The following MUC7 variants were observed in gnomAD, a reference collection of about 807,000 sequenced individuals.
MUC7 encodes mucin 7, secreted.
MUC7 carries 2 observed loss-of-function variants against 2.5 expected under a neutral mutation model. That is an observed-to-expected ratio of 0.81 (90% CI 0.33 to 2.55). MUC7 has a LOEUF of 2.55. MUC7 is among the 30% of genes most tolerant of loss of function. The pLI is 0.11. For missense variants in MUC7, 408 were observed against 455.6 expected, an observed-to-expected ratio of 0.90 and a Z score of 0.95; for synonymous variants, 133 against 173.4, an observed-to-expected ratio of 0.77 and a Z score of 1.83.
rs1735210271 is a variant in MUC7, at chr4:70,481,925, A to C, written c.*47A>C. The C allele has an allele frequency of 2.5e-6, 4 of 1,579,034 alleles. No individual in the cohort carries two copies. The highest frequency in any genetic ancestry group is 3.4e-6 in the Non-Finnish European group (4 of 1,163,212). On this transcript the variant is annotated 3_prime_UTR_variant, in exon 3 of 3. Transcript: ENST00000304887. Reference sequence around the variant, plus strand: ...TTCTGTCATTTACAAGATGTGATTCATGAGTGCAGAACTACCACCTTTCTT... The same window carrying C: ...TTCTGTCATTTACAAGATGTGATTCCTGAGTGCAGAACTACCACCTTTCTT...
At chr4:70,436,300 A>G (rs1733830449) in intron 1 of MUC7, among the ~76,000 whole-genome samples, 1 of 152,162 alleles carries the variant, frequency 6.6e-6, no homozygotes, top group South Asian at 2.1e-4. Flanking sequence ...AGTGTTTTCT[A>G]ATTTGGTTCC....
At chr4:70,463,633 T>C (rs773173478) in intron 1 of MUC7, among the ~76,000 whole-genome samples, 5 of 152,206 alleles carry the variant, frequency 3.3e-5, no homozygotes, top group South Asian at 4.1e-4. Context: ...TTAAAATATG[T>C]CATAATGGTG....
At chr4:70,443,130 C>A (rs1397760318) in intron 1 of MUC7, among the ~76,000 whole-genome samples, 1 of 152,068 alleles carries the variant, frequency 6.6e-6, no homozygotes, top group African/African-American at 2.4e-5. Context: ...ATCTAAAACA[C>A]CCAGATGTTT....
chr4:70,451,358 T>C (rs1400099670), intron 1 of MUC7, among the ~76,000 whole-genome samples: 1 of 152,234 alleles, frequency 6.6e-6, no homozygotes, highest in Non-Finnish European at 1.5e-5. Flanking sequence ...TACTGTTTTC[T>C]CTAACTCTTC....
chr4:70,474,951 A>G (rs1734951149), intron 2 of MUC7, among the ~76,000 whole-genome samples: 1 of 152,164 alleles, frequency 6.6e-6, no homozygotes, highest in African/African-American at 2.4e-5. Flanking sequence ...TGAGTCTACT[A>G]TATCTTCTGC....
chr4:70,435,372 G>GA (rs2109786927), intron 1 of MUC7, among the ~76,000 whole-genome samples: 1 of 152,316 alleles, frequency 6.6e-6, no homozygotes, highest in Non-Finnish European at 1.5e-5. Flanking sequence ...CTTGCTTTAT[G>GA]AATCTGGATG....
In MUC7 at chr4:70,474,079, A is replaced by G; in HGVS notation, c.54+4A>G. The G allele has an allele frequency of 6.2e-7, 1 of 1,611,998 alleles. No homozygotes were observed. On this transcript the variant is annotated splice_donor_region_variant and intron_variant, in intron 2 of 2. Transcript: ENST00000304887. ...TGCACTGAGTGCTTGCTTCTCGGTA[A>G]GTATTCACCCAAATAAGTTTTTTCC...
chr4:70,479,182 A>G (rs1735096384), intron 2 of MUC7, among the ~76,000 whole-genome samples: 1 of 152,220 alleles, frequency 6.6e-6, no homozygotes, highest in Non-Finnish European at 1.5e-5. Context: ...CAGTTTATTC[A>G]TTTATGAAAT....
chr4:70,460,041 G>C (rs1734516156), intron 1 of MUC7, among the ~76,000 whole-genome samples: 1 of 151,938 alleles, frequency 6.6e-6, no homozygotes, highest in Non-Finnish European at 1.5e-5. Context: ...AGAATACAAA[G>C]ACTTCCTAAA....
At chr4:70,442,518 C>T (rs1033872947) in intron 1 of MUC7, among the ~76,000 whole-genome samples, 13 of 152,268 alleles carry the variant, frequency 8.5e-5, no homozygotes, top group South Asian at 2.1e-4. Flanking sequence ...ATTTCCCCTC[C>T]AGCCTAGGGG....
Position 70,482,055 on chromosome 4 carries a change from A to C in MUC7, c.*177A>C. 3 of 779,484 alleles carry C rather than the reference A, an allele frequency of 3.8e-6. No individual in the cohort carries two copies. Among genetic ancestry groups the C allele is most frequent in the Non-Finnish European group, 5.9e-6 (3 of 508,380 alleles). The allele number at this position is 779,484 out of a possible 1,614,324, so 48.3% of individuals were successfully genotyped here. ...CCACAAGACCTATTAACAAGACAAA[A>C]TGCCTCTATCCCACAAGCCAGATGC... On this transcript the variant is annotated 3_prime_UTR_variant, in exon 3 of 3. Transcript: ENST00000304887.
At chr4:70,464,893 C>T (rs1734643589) in intron 1 of MUC7, among the ~76,000 whole-genome samples, 1 of 152,224 alleles carries the variant, frequency 6.6e-6, no homozygotes, top group South Asian at 2.1e-4. Context: ...AGTGCTCGAG[C>T]TCTGCTAAGG....
intron 1 of MUC7, among the ~76,000 whole-genome samples, chr4:70,437,466 G>T (rs891251903): frequency 6.6e-6 from 1 of 152,196 alleles, no homozygotes; most frequent in African/African-American, 2.4e-5. Context: ...AGCGTCCCAG[G>T]TCGATCTCAG....
At chr4:70,457,166 G>C (rs1341942841) in intron 1 of MUC7, among the ~76,000 whole-genome samples, 8 of 152,222 alleles carry the variant, frequency 5.3e-5, no homozygotes, top group Admixed American at 5.2e-4. Context: ...CACTTGGCCA[G>C]GTGTGGTGGC....
At position 70,480,970 on chromosome 4, in the gene MUC7, C is replaced by T. The variant is rs920358488; in HGVS notation, c.226C>T (p.Pro76Ser). The change falls in exon 3 of 3, where the codon CCT (proline) becomes TCT (serine). Residue 76 changes from proline to serine, a missense_variant. Physicochemically the swap from Pro to Ser is moderately conservative, Grantham distance 74. This residue lies in a region of MUC7 where 225 missense variants were observed against 240.5 expected (regional missense o/e 0.94). Transcript: ENST00000304887. ...CAAACGCTGTAGGCCTAAGCTTCCA[C>T]CTTCACCTAATAACCCCCCCAAATT... is the stretch of plus-strand genomic sequence containing the variant. ...LHKRCRPKLP[P>S]SPNNPPKFPN... 1.2e-6 allele frequency: 2 copies of T among 1,613,956 alleles called. No homozygotes were observed. The highest frequency in any genetic ancestry group is 1.3e-5 in the African/African-American group (1 of 74,892).
intron 1 of MUC7, among the ~76,000 whole-genome samples, chr4:70,460,688 G>A (rs569699377): frequency 6.6e-6 from 1 of 152,106 alleles, no homozygotes; most frequent in Non-Finnish European, 1.5e-5. Context: ...ACTCCCGGTA[G>A]GATAGAGTAC....
rs1378332850 is a variant in MUC7 at position 70,480,746 on chromosome 4, G to A, written c.55-53G>A. 4 of 1,574,538 alleles carry A rather than the reference G, an allele frequency of 2.5e-6. No homozygotes were observed. In the African/African-American group the frequency reaches 5.4e-5, roughly 21 times the overall value. ...ATCTCATGGTCAGCAGTGATCACCT[G>A]ATTGATAAATGGATACTTTTTTCAT... On this transcript the variant is annotated intron_variant, in intron 2 of 2. Transcript: ENST00000304887.
At chr4:70,452,967 T>C (rs1397941215) in intron 1 of MUC7, among the ~76,000 whole-genome samples, 1 of 152,228 alleles carries the variant, frequency 6.6e-6, no homozygotes, top group Non-Finnish European at 1.5e-5. Context: ...GATATACTAT[T>C]CTAGGTTAAA....
chr4:70,465,218 G>C (rs898247899), intron 1 of MUC7, among the ~76,000 whole-genome samples: 1 of 152,122 alleles, frequency 6.6e-6, no homozygotes, highest in African/African-American at 2.4e-5. Flanking sequence ...CAACAAAAAG[G>C]ACATCCACAC....
Sources: gnomAD v4.1 joint callset for allele counts (sites outside exome capture counted in the v4.1 genomes callset) on GRCh38, gnomAD v4.1.1 for gene constraint, gnomAD v4.1.1 regional missense constraint, MANE v1.5 for transcripts, NCBI Gene and HGNC (gene_info 2026-07-23, HGNC 2026-07-21) for gene names.